The following THBS2 variants were observed in gnomAD, a reference collection of about 807,000 sequenced individuals.
THBS2 encodes the protein thrombospondin-2.
Under a neutral mutation model 135.2 loss-of-function variants are expected in THBS2, and 47 were observed. The ratio of observed to expected loss-of-function variants is 0.35; its 90% CI spans 0.28 to 0.44. THBS2 has a LOEUF of 0.44. Ranked by LOEUF, THBS2 falls within the 20% of genes least tolerant of loss-of-function variation. The pLI is 1.00. For missense variants in THBS2, 1,288 were observed against 1,603.1 expected (o/e 0.80, Z 3.36); for synonymous variants, 639 against 633.8 (o/e 1.01, Z -0.12).
chr6:169,232,717 T>G lies in THBS2; in HGVS notation c.1879A>C (p.Arg627=). ...CCGACCCCGACGGGCTGGTTCCCTC[T>G]GTATCGGGGCGGGCAGGGCAGGCAG... is the stretch of plus-strand genomic sequence containing the variant. ...FHCLPCPPRY[R]GNQPVGVGLE... Residue 627 remains arginine (R), a synonymous_variant, in exon 12 of 22, where the codon AGA becomes CGA. Transcript: ENST00000617924. 6.2e-7 allele frequency: 1 copy of G among 1,613,834 alleles called. No homozygotes were observed. The highest frequency in any genetic ancestry group is 8.5e-7 in the Non-Finnish European group (1 of 1,179,892).
chr6:169,235,597 G>C (rs1438244912), intron 9 of THBS2, among the ~76,000 whole-genome samples: 1 of 151,936 alleles, frequency 6.6e-6, no homozygotes, highest in Non-Finnish European at 1.5e-5. Context: ...GCAGGGAAAG[G>C]CTATTTCAGA....
At chr6:169,246,872 C>T (rs192928165) in intron 3 of THBS2, among the ~76,000 whole-genome samples, 41 of 152,306 alleles carry the variant, frequency 2.7e-4, no homozygotes, top group Non-Finnish European at 4.4e-4. Context: ...ATTTCCAAGG[C>T]CCTACACGTC....
rs1228787478 is a variant in THBS2 at position 169,237,613 on chromosome 6, C to T, written c.1300+12G>A. ...CCCACAGGCACGCGGGTGTCACCTG[C>T]CCGACACTCACTGCGGGTGTCACAC... On this transcript the variant is annotated intron_variant, in intron 8 of 21. Coordinates refer to ENST00000617924, the MANE Select transcript of THBS2 (RefSeq NM_003247.5). 1 of 1,611,666 alleles carries T rather than the reference C, an allele frequency of 6.2e-7. No individual in the cohort carries two copies.
intron 4 of THBS2, among the ~76,000 whole-genome samples, chr6:169,245,599 T>C (rs974879206): frequency 6.6e-6 from 1 of 152,066 alleles, no homozygotes; most frequent in Non-Finnish European, 1.5e-5. Context: ...GAGACCATCT[T>C]GGCTAACACG....
intron 1 of THBS2, among the ~76,000 whole-genome samples, chr6:169,251,119 G>A (rs1419260516): frequency 6.6e-6 from 1 of 152,150 alleles, no homozygotes; most frequent in Non-Finnish European, 1.5e-5. Context: ...TTTTACAGAT[G>A]AGCAAATGGA....
At chr6:169,228,402 C>A in intron 14 of THBS2, 121 bp from the exon 15 acceptor site, 1 of 1,293,954 alleles carries the variant, frequency 7.7e-7, no homozygotes, top group Non-Finnish European at 1.1e-6. Context: ...CAAACAAACA[C>A]AAAAGCCAGT....
intron 14 of THBS2, 44 bp from the exon 15 acceptor site, chr6:169,228,325 A>G: frequency 1.2e-6 from 2 of 1,608,518 alleles, no homozygotes; most frequent in Non-Finnish European, 1.7e-6. Flanking sequence ...GATCATAGGA[A>G]TGTGTGTCGG....
chr6:169,242,948 CTTCCCACCTTCCCACT>C (rs1780398824), intron 4 of THBS2, among the ~76,000 whole-genome samples: 2 of 64,374 alleles, frequency 3.1e-5, no homozygotes, highest in Non-Finnish European at 5.9e-5. Context: ...ACCTTCCCAC[CTTCCCACCTTCCCACT>C]GCTCCCACCT....
At chr6:169,221,829 G>A (rs1241056165) in intron 19 of THBS2, among the ~76,000 whole-genome samples, 2 of 152,088 alleles carry the variant, frequency 1.3e-5, no homozygotes, top group Non-Finnish European at 2.9e-5. Flanking sequence ...TCCTTGATAT[G>A]GGATGTTGGG....
intron 14 of THBS2, 45 bp from the exon 15 acceptor site, chr6:169,228,326 T>A (rs1326104871): frequency 6.2e-7 from 1 of 1,607,846 alleles, no homozygotes; most frequent in Non-Finnish European, 8.5e-7. Flanking sequence ...ATCATAGGAA[T>A]GTGTGTCGGG....
intron 9 of THBS2, among the ~76,000 whole-genome samples, chr6:169,236,367 A>C (rs1583413929): frequency 1.7e-5 from 1 of 59,120 alleles, no homozygotes; most frequent in Non-Finnish European, 3.3e-5. Context: ...CCCCATCCAC[A>C]CTCACTCCCA....
At chr6:169,246,058 T>C (rs1046869619) in intron 4 of THBS2, 139 bp downstream of exon 4, 5 of 574,564 alleles carry the variant, frequency 8.7e-6, no homozygotes, top group Middle Eastern at 5.3e-4. Context: ...TCAAAGACAA[T>C]AGTGGTAGTT....
At chr6:169,238,828 G>T (rs888918924) in intron 7 of THBS2, among the ~76,000 whole-genome samples, 3 of 152,198 alleles carry the variant, frequency 2.0e-5, no homozygotes, top group African/African-American at 7.2e-5. Flanking sequence ...GGGAATGTTT[G>T]GGGGATGGTG....
intron 12 of THBS2, among the ~76,000 whole-genome samples, 172 bp downstream of exon 12, chr6:169,232,492 C>T (rs2114995625): frequency 6.6e-6 from 1 of 152,324 alleles, no homozygotes; most frequent in Admixed American, 6.5e-5. Flanking sequence ...CCGCACCCCG[C>T]GCGGAGAGCA....
intron 21 of THBS2, among the ~76,000 whole-genome samples, chr6:169,218,280 TGGTGGATGGATGAAATGGGTG>T (rs1779261086): frequency 1.3e-5 from 1 of 77,140 alleles, no homozygotes; most frequent in Admixed American, 1.3e-4. Context: ...TGAAATGGAT[TGGTGGATGGATGAAATGGGTG>T]GGTGGATGGA....
rs773165923 is a variant in THBS2, at chr6:169,225,316, C to T, written c.2602G>A (p.Gly868Ser). The T allele has an allele frequency of 8.7e-5, 137 of 1,580,308 alleles. No homozygotes were observed. Among genetic ancestry groups the T allele is most frequent in the Non-Finnish European group, 9.5e-5 (111 of 1,162,696 alleles). Residue 868 changes from glycine (G) to serine (S), a missense_variant, in exon 17 of 22, where the codon GGC (glycine) becomes AGC (serine). This residue lies in a region of THBS2 where 874 missense variants were observed against 1,156.1 expected (regional missense o/e 0.76). Transcript: ENST00000617924. ...CDNNEDIDDD[G>S]HQNNQDNCPY... ...CAGTTGTCCTGGTTGTTCTGGTGGC[C>T]GTCGTCATCTATGTCCTCGTTGTTG...
In THBS2 at chr6:169,225,141, C is replaced by A; in HGVS notation, c.2773+4G>T. The stretch of plus-strand genomic sequence containing the variant: ...CCACGCCCATGAGCTGAGAGAGCAC[C>A]CACCGTCCAAGTCCTCCTGGTCTGG... On this transcript the variant is annotated splice_donor_region_variant and intron_variant, in intron 17 of 21. Transcript: ENST00000617924. The A allele has an allele frequency of 1.2e-6, 2 of 1,613,976 alleles. No homozygotes were observed. The highest frequency in any genetic ancestry group is 3.3e-4 in the Middle Eastern group (2 of 6,060).
intron 19 of THBS2, among the ~76,000 whole-genome samples, chr6:169,221,777 C>T (rs1779439737): frequency 6.6e-6 from 1 of 152,196 alleles, no homozygotes; most frequent in Non-Finnish European, 1.5e-5. Flanking sequence ...AGCCCAGGCA[C>T]CTGATCCTCA....
rs1779158382 is a variant in THBS2, at chr6:169,215,985, A to G, written c.*1837T>C. On this transcript the variant is annotated 3_prime_UTR_variant, in exon 22 of 22. Transcript: ENST00000617924. ...AAAACATAAATAATTTACAAAAAATATGGTACATTCTAAATACTCACATCA... is the reference window on the plus strand; with the variant it reads ...AAAACATAAATAATTTACAAAAAATGTGGTACATTCTAAATACTCACATCA... 6.6e-6 allele frequency: 1 copy of G among 152,506 alleles called. No homozygotes were observed. The highest frequency in any genetic ancestry group is 1.5e-5 in the Non-Finnish European group (1 of 68,042). 9.4% of individuals were successfully genotyped at this position (152,506 alleles called of 1,614,324 possible).
Sources: gnomAD v4.1 joint callset for allele counts (sites outside exome capture counted in the v4.1 genomes callset) on GRCh38, gnomAD v4.1.1 for gene constraint, gnomAD v4.1.1 regional missense constraint, MANE v1.5 for transcripts, NCBI Gene and HGNC (gene_info 2026-07-23, HGNC 2026-07-21) for gene names.